The following GANAB variants were observed in gnomAD, a reference collection of about 807,000 sequenced individuals.
GANAB encodes the protein glucosidase II alpha subunit.
Under a neutral mutation model 129.9 loss-of-function variants are expected in GANAB, and 35 were observed. The observed-to-expected ratio is 0.27, with a 90% CI of 0.21 to 0.36. The LOEUF is 0.36. Among genes scored for constraint, GANAB ranks in the 10% least tolerant of loss-of-function variants. The pLI, the probability that GANAB is intolerant of heterozygous loss-of-function variation, is 1.00. For synonymous variants in GANAB, 482 were observed against 451.8 expected, an observed-to-expected ratio of 1.07 and a Z score of -0.85; for missense variants, 939 against 1,221.0, an observed-to-expected ratio of 0.77 and a Z score of 3.44.
In GANAB at chr11:62,631,105, T is replaced by C; in HGVS notation, c.1075A>G (p.Thr359Ala). 1.2e-6 allele frequency: 2 copies of C among 1,611,894 alleles called. No homozygotes were observed. The highest frequency in any genetic ancestry group is 1.7e-6 in the Non-Finnish European group (2 of 1,178,096). ...PQTDVRWMSE[T>A]GIIDVFLLLG... ...AGCAGGAAGACGTCAATGATGCCAG[T>C]CTCTGACATCCAGCGAACATCTGTC... is the stretch of plus-strand genomic sequence containing the variant. The change falls in exon 10 of 24, where the codon ACT (threonine) becomes GCT (alanine). Residue 359 changes from threonine (T) to alanine (A), a missense_variant. Physicochemically the swap from Thr to Ala is moderately conservative, Grantham distance 58. Around this residue, in one of 5 missense-constraint regions of GANAB, gnomAD observed 220 missense variants for 295.9 expected, o/e 0.74. Coordinates refer to ENST00000356638, the MANE Select transcript of GANAB (RefSeq NM_198334.3).
intron 4 of GANAB, among the ~76,000 whole-genome samples, chr11:62,637,261 A>C (rs1943986233): frequency 6.6e-6 from 1 of 152,214 alleles, no homozygotes; most frequent in Non-Finnish European, 1.5e-5. Flanking sequence ...TTCACTAGGT[A>C]TCACAAATGA....
intron 2 of GANAB, 79 bp downstream of exon 2, chr11:62,639,548 G>A (rs1944125109): frequency 2.1e-6 from 3 of 1,432,052 alleles, no homozygotes; most frequent in Non-Finnish European, 9.9e-7. Flanking sequence ...AGTGTCCTTA[G>A]GCACTCCATC....
intron 17 of GANAB, among the ~76,000 whole-genome samples, chr11:62,628,281 A>AT (rs1296364259): frequency 2.9e-5 from 4 of 137,844 alleles, no homozygotes; most frequent in Non-Finnish European, 6.0e-5. Flanking sequence ...CAGCAGAGCA[A>AT]TCTCGGCTCA....
At chr11:62,629,049 G>A (rs1241378518) in intron 16 of GANAB, 37 bp from the exon 17 acceptor site, 2 of 1,607,122 alleles carry the variant, frequency 1.2e-6, no homozygotes, top group South Asian at 2.2e-5. Flanking sequence ...TTGGAAAAGA[G>A]GGTGAAGGAG....
intron 4 of GANAB, among the ~76,000 whole-genome samples, chr11:62,638,389 T>A (rs1944043813): frequency 6.6e-6 from 1 of 152,158 alleles, no homozygotes; most frequent in Non-Finnish European, 1.5e-5. Context: ...CCTGACCTCG[T>A]GATCTGCCCA....
At position 62,626,866 on chromosome 11, in the gene GANAB, T is replaced by TA; in HGVS notation, c.2390dup (p.Ser798LysfsTer29). 3 of 1,608,728 alleles carry TA rather than the reference T, an allele frequency of 1.9e-6. No homozygotes were observed. Among genetic ancestry groups the TA allele is most frequent in the Non-Finnish European group, 2.6e-6 (3 of 1,175,464 alleles). On this transcript the variant is annotated frameshift_variant, in exon 20 of 24. Transcript: ENST00000356638. LOFTEE classifies it high-confidence loss of function. The stretch of plus-strand genomic sequence containing the variant: ...CCAGACCAGGCTTACTCACACTGCT[T>TA]AGAGTTACAGGCAGGTACAGGGTCT...
chr11:62,640,405 T>C (rs182419522), intron 1 of GANAB, among the ~76,000 whole-genome samples: 1,917 of 142,994 alleles, frequency 0.013, 34 homozygotes, highest in African/African-American at 0.048. Flanking sequence ...TGGTGGCAGG[T>C]GTCTGTAGTC....
chr11:62,634,672 C>T (rs1943855105), intron 5 of GANAB, 149 bp downstream of exon 5: 1 of 688,882 alleles, frequency 1.5e-6, no homozygotes, highest in African/African-American at 1.8e-5. Flanking sequence ...GCACCCGGGT[C>T]TGGTTCCTAC....
At chr11:62,625,985 T>C (rs112023179) in intron 23 of GANAB, 61 bp from the exon 24 acceptor site, 1 of 1,460,354 alleles carries the variant, frequency 6.8e-7, no homozygotes. Flanking sequence ...AACAACAACG[T>C]TCCTACAGGC....
intron 1 of GANAB, among the ~76,000 whole-genome samples, chr11:62,640,361 G>A (rs188928743): frequency 0.014 from 1,983 of 145,326 alleles, 36 homozygotes; most frequent in African/African-American, 0.047. Flanking sequence ...GTGAAACCCC[G>A]TCTCTACTAA....
chr11:62,626,037 C>G lies in GANAB; in HGVS notation c.2725+28G>C, dbSNP rs755542361. On this transcript the variant is annotated intron_variant, in intron 23 of 23. Coordinates refer to ENST00000356638, the MANE Select transcript of GANAB (RefSeq NM_198334.3). Reference sequence around the variant, plus strand: ...CTGCCCCGGCTTCCCCTCCTTCCCCCATCCTAGGGGCCAGATTGGTCACTC... The same window carrying G: ...CTGCCCCGGCTTCCCCTCCTTCCCCGATCCTAGGGGCCAGATTGGTCACTC... The G allele has an allele frequency of 3.8e-6, 6 of 1,559,374 alleles. No homozygotes were observed. In the Admixed American group the frequency reaches 8.3e-5, roughly 22 times the overall value.
In GANAB at chr11:62,634,839, T is replaced by C. The variant is rs1943867060; in HGVS notation, c.542A>G (p.Gln181Arg). The C allele has an allele frequency of 6.2e-7, 1 of 1,613,892 alleles. No individual in the cohort carries two copies. Among genetic ancestry groups the C allele is most frequent in the African/African-American group, 1.3e-5 (1 of 74,898 alleles). Residue 181 changes from glutamine (Q) to arginine (R), a missense_variant, in exon 5 of 24, where the codon CAG becomes CGG. Transcript: ENST00000356638. ...TACTCACGAGACCCTAGGGGCCCTC[T>C]GATGCTCAAACTCCAAGAGTCCTCG... ...NARGLLEFEH[Q>R]RAPRVSQGSK...
At chr11:62,634,601 A>G (rs1943850338) in intron 5 of GANAB, 1 of 614,956 alleles carries the variant, frequency 1.6e-6, no homozygotes, top group Non-Finnish European at 2.9e-6. Context: ...AGAGATGCCC[A>G]GGGTACAGCT....
At position 62,629,882 on chromosome 11, in the gene GANAB, G is replaced by T; in HGVS notation, c.1669C>A (p.Leu557Ile). ...SVFNGPEVTM[L>I]KDAQHYGGWE... ...CCCCCATAATGCTGGGCATCCTTGA[G>T]CATGGTGACCTCAGGACCATTGAAC... Residue 557 changes from leucine to isoleucine, a missense_variant, in exon 14 of 24, where the codon CTC becomes ATC. Around this residue, in one of 5 missense-constraint regions of GANAB, gnomAD observed 147 missense variants for 282.4 expected, o/e 0.52. Coordinates refer to ENST00000356638, the MANE Select transcript of GANAB (RefSeq NM_198334.3). 1 of 1,614,038 alleles carries T rather than the reference G, an allele frequency of 6.2e-7. No individual in the cohort carries two copies. The highest frequency in any genetic ancestry group is 8.5e-7 in the Non-Finnish European group (1 of 1,179,920).
intron 23 of GANAB, 54 bp downstream of exon 23, chr11:62,626,011 C>T (rs1943355173): frequency 6.7e-7 from 1 of 1,501,574 alleles, no homozygotes; most frequent in African/African-American, 1.4e-5. Context: ...CATCCCTAAA[C>T]CTGCCCCGGC....
At chr11:62,646,409 G>A (rs1056997709) in intron 1 of GANAB, among the ~76,000 whole-genome samples, 153 bp downstream of exon 1, 1 of 152,160 alleles carries the variant, frequency 6.6e-6, no homozygotes, top group East Asian at 1.9e-4. Context: ...ACCACGGGGA[G>A]ACCGGAGGCG....
intron 17 of GANAB, among the ~76,000 whole-genome samples, chr11:62,628,549 CCT>C (rs1207861024): frequency 2.6e-5 from 4 of 152,018 alleles, no homozygotes; most frequent in Non-Finnish European, 5.9e-5. Flanking sequence ...ATCCCATTAC[CCT>C]GTTTTATTTT....
At position 62,631,076 on chromosome 11, in the gene GANAB, C is replaced by T. The variant is rs750443366; in HGVS notation, c.1104G>A (p.Leu368=). The T allele has an allele frequency of 8.7e-6, 14 of 1,610,942 alleles. No individual in the cohort carries two copies. In the East Asian group the frequency reaches 2.9e-4, roughly 33 times the overall value. ...GGAAAACATCAGAGATGGAGGGCCC[C>T]AGCAGCAGGAAGACGTCAATGATGC... The part of the protein sequence containing the change: ...ETGIIDVFLL[L]GPSISDVFRQ... Residue 368 remains leucine, a synonymous_variant, in exon 10 of 24, where the codon CTG becomes CTA. Transcript: ENST00000356638.
At position 62,625,459 on chromosome 11, in the gene GANAB, A is replaced by G. The variant is rs573076836; in HGVS notation, c.*356T>C. ...GAAGTGGCATCAACATACAAGAGGC[A>G]TGAATGGATAGACTCTGGGGGAGTT... On this transcript the variant is annotated 3_prime_UTR_variant, in exon 24 of 24. Coordinates refer to ENST00000356638, the MANE Select transcript of GANAB (RefSeq NM_198334.3). 151 of 396,832 alleles carry G rather than the reference A, an allele frequency of 3.8e-4. No homozygotes were observed. Among genetic ancestry groups the G allele is most frequent in the African/African-American group, 2.9e-3 (142 of 48,278 alleles). The allele number at this position is 396,832 out of a possible 1,614,324, so 24.6% of individuals were successfully genotyped here. A position where few individuals can be genotyped will look rare whatever the true frequency, so the allele number is the denominator to read the frequency against.
Sources: gnomAD v4.1 joint callset for allele counts (sites outside exome capture counted in the v4.1 genomes callset) on GRCh38, gnomAD v4.1.1 for gene constraint, gnomAD v4.1.1 regional missense constraint, MANE v1.5 for transcripts, NCBI Gene and HGNC (gene_info 2026-07-23, HGNC 2026-07-21) for gene names.